Variants in PTK7 observed in about 807,000 individuals in gnomAD.
PTK7 encodes protein tyrosine kinase 7 (inactive), also known as inactive tyrosine-protein kinase 7.
In PTK7, 39 loss-of-function variants were observed where a neutral mutation model predicts 116.6. The observed-to-expected ratio is 0.33, with a 90% confidence interval of 0.26 to 0.44. PTK7 has a LOEUF of 0.44. Ranked by LOEUF, PTK7 falls within the 20% of genes least tolerant of loss-of-function variation. PTK7 has a pLI of 1.00. For synonymous variants in PTK7, 546 were observed against 563.6 expected (o/e 0.97, Z 0.44); for missense variants, 1,169 against 1,425.6 (o/e 0.82, Z 2.90).
rs1017873853 is a variant in PTK7 at position 43,120,971 on chromosome 6, C to T, written c.80-8006C>T. Among the ~76,000 whole-genome samples the T allele has an allele frequency of 8.5e-5, 13 of 152,198 alleles. No individual in the cohort carries two copies. The Middle Eastern group carries it at 0.01, about 121-fold the overall frequency. ...GAGGCATGTACTGGGTATAGCCCTT[C>T]CAGCCCCAGAAGAAGATGGGCGGGG... On this transcript the variant is annotated intron_variant, in intron 1 of 19. Transcript: ENST00000230419.
intron 13 of PTK7, 123 bp downstream of exon 13, chr6:43,142,422 C>A: frequency 7.0e-7 from 1 of 1,433,636 alleles, no homozygotes; most frequent in Non-Finnish European, 9.6e-7. Context: ...GGTGGGGATT[C>A]GGCCGTCTCA....
Position 43,143,502 on chromosome 6 carries a change from C to T in PTK7, c.2133C>T (p.Ala711=), listed in dbSNP as rs1172568884. ...MIQTIGLSVG[A]AVAYIIAVLG... ...AGACCATTGGGTTGTCGGTGGGTGC[C>T]GCTGTGGCCTACATCATTGCCGTGC... Residue 711 remains alanine (A), a synonymous_variant, in exon 14 of 20, where the codon GCC becomes GCT. Coordinates refer to ENST00000230419, the MANE Select transcript of PTK7 (RefSeq NM_002821.5). This position sits in a 1 kb window ranked among gnomAD's most constrained non-coding sequence, Gnocchi z 4.2. 6.8e-6 allele frequency: 11 copies of T among 1,613,990 alleles called. No homozygotes were observed. Among genetic ancestry groups the T allele is most frequent in the African/African-American group, 5.3e-5 (4 of 74,930 alleles).
chr6:43,108,158 A>C (rs1767998051), intron 1 of PTK7, among the ~76,000 whole-genome samples: 1 of 145,232 alleles, frequency 6.9e-6, no homozygotes, highest in African/African-American at 2.6e-5. Context: ...GCAATGGTGC[A>C]ATCTTGGCTC....
At chr6:43,160,019 T>C in intron 19 of PTK7, 53 bp downstream of exon 19, 1 of 1,552,666 alleles carries the variant, frequency 6.4e-7, no homozygotes. Flanking sequence ...AGATGGGGCC[T>C]ACTCAGGGCC....
chr6:43,101,324 G>A (rs527534148), intron 1 of PTK7, among the ~76,000 whole-genome samples: 74 of 152,098 alleles, frequency 4.9e-4, no homozygotes, highest in Middle Eastern at 3.4e-3. Context: ...AGGCAGAGGC[G>A]GGCGGATCAC....
chr6:43,110,382 T>C (rs950060641), intron 1 of PTK7, among the ~76,000 whole-genome samples: 1 of 146,322 alleles, frequency 6.8e-6, no homozygotes, highest in South Asian at 2.2e-4. Context: ...TTTTAGCAGG[T>C]TTTTTTTTTG....
chr6:43,128,131 G>A (rs993482082), intron 1 of PTK7, among the ~76,000 whole-genome samples: 1 of 152,204 alleles, frequency 6.6e-6, no homozygotes, highest in African/African-American at 2.4e-5. Flanking sequence ...CCGTCGAGGG[G>A]CATGAGTGAA....
intron 17 of PTK7, among the ~76,000 whole-genome samples, chr6:43,147,777 C>G (rs1471060835): frequency 6.6e-6 from 1 of 152,196 alleles, no homozygotes; most frequent in Non-Finnish European, 1.5e-5. Context: ...GACCTGGCCA[C>G]CTGACACCAC....
chr6:43,160,905 C>T lies in PTK7; in HGVS notation c.*24C>T, dbSNP rs1771811277. ...GAGGAGGGAGCCCGCTCAGGATGGC[C>T]TGGGCAGGGGAGGACATCTCTAGAG... is the stretch of plus-strand genomic sequence containing the variant. On this transcript the variant is annotated 3_prime_UTR_variant, in exon 20 of 20. Coordinates refer to ENST00000230419, the MANE Select transcript of PTK7 (RefSeq NM_002821.5). 2 of 1,611,256 alleles carry T rather than the reference C, an allele frequency of 1.2e-6. No individual in the cohort carries two copies. The highest frequency in any genetic ancestry group is 2.2e-5 in the South Asian group (2 of 90,910).
rs201385687 is a variant in PTK7 at position 43,141,900 on chromosome 6, C to T, written c.1769-31C>T. The T allele has an allele frequency of 1.5e-4, 237 of 1,594,922 alleles. No homozygotes were observed. Among genetic ancestry groups the T allele is most frequent in the Non-Finnish European group, 1.9e-4 (221 of 1,168,530 alleles). On this transcript the variant is annotated intron_variant, in intron 11 of 19. Transcript: ENST00000230419. This position sits in a 1 kb window ranked among gnomAD's most constrained non-coding sequence, Gnocchi z 4.9. ...CCTGCCAGCCCCTTGGCTTACCCCT[C>T]CCTGCGCCTCGCTGGTCTCTTTTCT...
rs3793016 is a variant in PTK7 at position 43,113,940 on chromosome 6, C to T, written c.80-15037C>T. Among the ~76,000 whole-genome samples the T allele has an allele frequency of 5.5e-3, 841 of 152,248 alleles. 53 individuals are homozygous for T. The East Asian group carries it at 0.14, about 25-fold the overall frequency. On this transcript the variant is annotated intron_variant, in intron 1 of 19. Transcript: ENST00000230419. ...GCCCCTCTCTTTAACTCCCTCTGGC[C>T]TTCCACCAACAGACAAGCTGTAACC...
chr6:43,096,183 C>T (rs962662840), intron 1 of PTK7, among the ~76,000 whole-genome samples: 3 of 152,156 alleles, frequency 2.0e-5, no homozygotes, highest in East Asian at 1.9e-4. Flanking sequence ...ATCTCAGCCT[C>T]GGGGAGAGGT....
chr6:43,127,971 T>C (rs570505800), intron 1 of PTK7, among the ~76,000 whole-genome samples: 1 of 152,228 alleles, frequency 6.6e-6, no homozygotes, highest in East Asian at 1.9e-4. Context: ...CTTGGCTTGT[T>C]TTTGGCAGTA....
chr6:43,096,800 G>T (rs1767286006), intron 1 of PTK7, among the ~76,000 whole-genome samples: 2 of 152,258 alleles, frequency 1.3e-5, no homozygotes, highest in African/African-American at 4.8e-5. Context: ...GGTGAAACCG[G>T]CTGCACAAAG....
Position 43,141,715 on chromosome 6 carries a change from C to T in PTK7, c.1666C>T (p.His556Tyr), listed in dbSNP as rs1770418046. 3.1e-6 allele frequency: 5 copies of T among 1,614,148 alleles called. No homozygotes were observed. The highest frequency in any genetic ancestry group is 4.2e-6 in the Non-Finnish European group (5 of 1,180,010). ...GGTGACAGACAACGCTGGGACCCTG[C>T]ATTTTGCCCGGGTGACTCGAGATGA... The part of the protein sequence containing the change: ...EWVTDNAGTL[H>Y]FARVTRDDAG... Residue 556 changes from histidine (H) to tyrosine (Y), a missense_variant, in exon 11 of 20, where the codon CAT becomes TAT. Physicochemically the swap from His to Tyr is moderately conservative, Grantham distance 83. Transcript: ENST00000230419. The surrounding 1 kb of genome is among the most constrained non-coding windows in gnomAD (Gnocchi z 4.9).
At chr6:43,100,660 A>G (rs1767523925) in intron 1 of PTK7, among the ~76,000 whole-genome samples, 1 of 152,170 alleles carries the variant, frequency 6.6e-6, no homozygotes, top group African/African-American at 2.4e-5. Context: ...AATTTCCAAA[A>G]TACTGCAGAT....
At chr6:43,148,852 A>G (rs1316387847) in intron 17 of PTK7, among the ~76,000 whole-genome samples, 1 of 150,944 alleles carries the variant, frequency 6.6e-6, no homozygotes, top group African/African-American at 2.4e-5. Flanking sequence ...CGAGGTCAGG[A>G]GTACGAGACC....
chr6:43,153,132 A>T (rs1172778317), intron 17 of PTK7, among the ~76,000 whole-genome samples: 2 of 150,232 alleles, frequency 1.3e-5, no homozygotes, highest in Middle Eastern at 3.3e-3. Context: ...TTATTTTGAG[A>T]TGGAGTCTCT....
Position 43,141,453 on chromosome 6 carries a change from C to T in PTK7, c.1619-215C>T, listed in dbSNP as rs920247739. 2.0e-5 allele frequency among the ~76,000 whole-genome samples: 3 copies of T among 152,072 alleles called. No individual in the cohort carries two copies. Among genetic ancestry groups the T allele is most frequent in the Non-Finnish European group, 4.4e-5 (3 of 68,012 alleles). On this transcript the variant is annotated intron_variant, in intron 10 of 19. Coordinates refer to ENST00000230419, the MANE Select transcript of PTK7 (RefSeq NM_002821.5). This position sits in a 1 kb window ranked among gnomAD's most constrained non-coding sequence, Gnocchi z 4.9. ...GTCCGGTTTGGCAGACGTGGAATGT[C>T]ACACAGGGCAGTAGGAGGAAGAGGT...
Sources: allele counts gnomAD v4.1 joint callset (sites outside exome capture counted in the v4.1 genomes callset), GRCh38; gene constraint gnomAD v4.1.1; non-coding constraint Gnocchi (gnomAD v3.1); transcripts MANE v1.5; gene names NCBI Gene and HGNC (gene_info 2026-07-23, HGNC 2026-07-21).